Variants in LRMDA observed in about 807,000 individuals in gnomAD.
The protein encoded by LRMDA is leucine rich melanocyte differentiation associated.
LRMDA carries 18 observed loss-of-function variants against 29.8 expected under a neutral mutation model. That is an observed-to-expected ratio of 0.60 (90% CI 0.42 to 0.90). LRMDA has a LOEUF of 0.90. Ranked by LOEUF, LRMDA falls within the 40% of genes least tolerant of loss-of-function variation. The probability of loss-of-function intolerance (pLI) is 0.00; values close to 1 mark genes in which losing one functional copy is unlikely to be tolerated. For missense variants in LRMDA, 273 were observed against 273.9 expected (o/e 1.00, Z 0.02); for synonymous variants, 125 against 109.4 (o/e 1.14, Z -0.89).
chr10:75,807,484 C>A (rs543009161), intron 2 of LRMDA, among the ~76,000 whole-genome samples: 1 of 152,332 alleles, frequency 6.6e-6, no homozygotes, highest in Admixed American at 6.5e-5. Context: ...TTTTTCTGTT[C>A]TTTTCTGTCT....
chr10:75,904,117 A>C (rs549308982), intron 2 of LRMDA, among the ~76,000 whole-genome samples: 2 of 152,314 alleles, frequency 1.3e-5, no homozygotes, highest in East Asian at 3.9e-4. Flanking sequence ...TTTGGCTGGG[A>C]GAATTTTCTA....
In LRMDA at chr10:75,474,577, C is replaced by T. The variant is rs530779966; in HGVS notation, c.131+36083C>T. 5.3e-5 allele frequency among the ~76,000 whole-genome samples: 8 copies of T among 152,290 alleles called. No individual in the cohort carries two copies. The South Asian group carries it at 6.2e-4, about 12-fold the overall frequency. On this transcript the variant is annotated intron_variant, in intron 2 of 6. Coordinates refer to ENST00000611255, the MANE Select transcript of LRMDA (RefSeq NM_001305581.2). ...CATGTGAATTTCAGGGAAGGTGGGA[C>T]GCAAACATCTAGACCCTAGCAGTAC... is the stretch of plus-strand genomic sequence containing the variant.
At chr10:75,449,750 C>A (rs1257998990) in intron 2 of LRMDA, among the ~76,000 whole-genome samples, 3 of 152,136 alleles carry the variant, frequency 2.0e-5, no homozygotes, top group Non-Finnish European at 4.4e-5. Context: ...AACTTATCTT[C>A]TTCTTTCTTC....
intron 5 of LRMDA, among the ~76,000 whole-genome samples, chr10:76,260,044 GT>G (rs1839913400): frequency 6.6e-6 from 1 of 151,658 alleles, no homozygotes; most frequent in Non-Finnish European, 1.5e-5. Flanking sequence ...TCCTGTCTAT[GT>G]TTTTTAATTG....
rs184024866 is a variant in LRMDA at position 76,148,231 on chromosome 10, A to G, written c.516+89448A>G. On this transcript the variant is annotated intron_variant, in intron 5 of 6. Coordinates refer to ENST00000611255, the MANE Select transcript of LRMDA (RefSeq NM_001305581.2). The stretch of plus-strand genomic sequence containing the variant: ...CAAAGCTGTCAGAGAGGGACATTTA[A>G]GTCTGCAGAGGTTACTGCTATCTTT... Among the ~76,000 whole-genome samples the G allele has an allele frequency of 6.2e-4, 94 of 152,324 alleles. 2 individuals carry two copies. The East Asian group carries it at 0.017, about 27-fold the overall frequency.
chr10:76,278,256 G>T (rs561962497), intron 5 of LRMDA, among the ~76,000 whole-genome samples: 1 of 152,238 alleles, frequency 6.6e-6, no homozygotes, highest in South Asian at 2.1e-4. Flanking sequence ...CCAACTCAAA[G>T]TAGATAGCTT....
intron 2 of LRMDA, among the ~76,000 whole-genome samples, chr10:75,998,362 CGATGGTGT>C (rs1847507818): frequency 6.6e-6 from 1 of 152,146 alleles, no homozygotes; most frequent in African/African-American, 2.4e-5. Flanking sequence ...AATAAGTAAT[CGATGGTGT>C]GGCCTCATCA....
intron 6 of LRMDA, among the ~76,000 whole-genome samples, chr10:76,510,142 C>T (rs1842995654): frequency 6.6e-6 from 1 of 152,130 alleles, no homozygotes; most frequent in Non-Finnish European, 1.5e-5. Context: ...ACGATCTCGG[C>T]TCACTGCAAC....
At chr10:75,507,680 G>C (rs1243512234) in intron 2 of LRMDA, among the ~76,000 whole-genome samples, 1 of 152,036 alleles carries the variant, frequency 6.6e-6, no homozygotes, top group Non-Finnish European at 1.5e-5. Context: ...TATTTGTACT[G>C]GAAAGCAAAC....
chr10:75,774,933 C>A (rs1843290876), intron 2 of LRMDA, among the ~76,000 whole-genome samples: 1 of 152,186 alleles, frequency 6.6e-6, no homozygotes, highest in Admixed American at 6.5e-5. Flanking sequence ...GGAAACAAGG[C>A]TTTCAAGAAT....
intron 2 of LRMDA, among the ~76,000 whole-genome samples, chr10:75,992,168 CAG>C (rs1487539553): frequency 2.0e-5 from 3 of 152,150 alleles, no homozygotes; most frequent in East Asian, 1.9e-4. Context: ...TTAAACTCTG[CAG>C]AGTCACAAGC....
chr10:75,564,159 G>A (rs1424322889), intron 2 of LRMDA, among the ~76,000 whole-genome samples: 2 of 152,240 alleles, frequency 1.3e-5, no homozygotes, highest in Non-Finnish European at 2.9e-5. Context: ...AGGCAGGCAG[G>A]TCTACTTGAG....
chr10:76,120,051 A>T (rs1849753394), intron 5 of LRMDA, among the ~76,000 whole-genome samples: 1 of 152,070 alleles, frequency 6.6e-6, no homozygotes, highest in Non-Finnish European at 1.5e-5. Context: ...CAGATGCTGG[A>T]ATCCTCATAT....
At chr10:76,493,264 G>T (rs567517639) in intron 6 of LRMDA, among the ~76,000 whole-genome samples, 1 of 151,838 alleles carries the variant, frequency 6.6e-6, no homozygotes, top group Non-Finnish European at 1.5e-5. Flanking sequence ...TAGATGAGCC[G>T]CTCCCTATTG....
intron 6 of LRMDA, among the ~76,000 whole-genome samples, chr10:76,365,414 T>C (rs1189516729): frequency 6.6e-6 from 1 of 152,058 alleles, no homozygotes; most frequent in Non-Finnish European, 1.5e-5. Context: ...ACATCTACTG[T>C]TTTTTGATTT....
intron 2 of LRMDA, among the ~76,000 whole-genome samples, chr10:75,895,211 A>G (rs1396469612): frequency 6.6e-6 from 1 of 152,202 alleles, no homozygotes; most frequent in East Asian, 1.9e-4. Flanking sequence ...GCCAACAAAC[A>G]ACATGGGGAA....
rs74711283 is a variant in LRMDA at position 75,939,522 on chromosome 10, C to G, written c.132-96486C>G. 6.5e-3 allele frequency among the ~76,000 whole-genome samples: 984 copies of G among 152,198 alleles called. 52 individuals are homozygous for G. The East Asian group carries it at 0.14, about 22-fold the overall frequency. On this transcript the variant is annotated intron_variant, in intron 2 of 6. Coordinates refer to ENST00000611255, the MANE Select transcript of LRMDA (RefSeq NM_001305581.2). ...TGAAGATCTGCTAAAGGTCTGTGCT[C>G]ATCTTGTTTGGATACACAGTCTCCT...
At chr10:76,354,460 C>T (rs1282449480) in intron 6 of LRMDA, among the ~76,000 whole-genome samples, 2 of 152,084 alleles carry the variant, frequency 1.3e-5, no homozygotes, top group African/African-American at 2.4e-5. Context: ...CCAGATAATA[C>T]CAAGAGTCAC....
intron 2 of LRMDA, among the ~76,000 whole-genome samples, chr10:75,579,538 A>G (rs1840558806): frequency 6.6e-6 from 1 of 152,254 alleles, no homozygotes; most frequent in Non-Finnish European, 1.5e-5. Flanking sequence ...TCCAAACAAT[A>G]GAAAAAGAGG....
Sources: allele counts gnomAD v4.1 joint callset (sites outside exome capture counted in the v4.1 genomes callset), GRCh38; gene constraint gnomAD v4.1.1; transcripts MANE v1.5; gene names NCBI Gene and HGNC (gene_info 2026-07-23, HGNC 2026-07-21).